Variants in CCDC175 observed in about 807,000 individuals in gnomAD.
CCDC175 encodes coiled-coil domain-containing protein 175.
A neutral mutation model predicts 114.6 loss-of-function variants in CCDC175; 100 were observed. The ratio of observed to expected loss-of-function variants is 0.87; its 90% CI spans 0.74 to 1.03. The LOEUF (loss-of-function observed/expected upper bound fraction) is 1.03. CCDC175 is among the 50% of genes least tolerant of loss of function. CCDC175 has a pLI of 0.00. For missense variants in CCDC175, 880 were observed against 917.8 expected (o/e 0.96, Z 0.53); for synonymous variants, 306 against 308.7 (o/e 0.99, Z 0.09).
chr14:59,545,779 G>A (rs1284966988), intron 8 of CCDC175, among the ~76,000 whole-genome samples: 4 of 152,092 alleles, frequency 2.6e-5, no homozygotes, highest in Non-Finnish European at 4.4e-5. Flanking sequence ...TGCTTCAAAC[G>A]AGGTAAGAAA....
At chr14:59,508,585 A>G (rs1041353798) in intron 19 of CCDC175, among the ~76,000 whole-genome samples, 4 of 147,202 alleles carry the variant, frequency 2.7e-5, no homozygotes, top group African/African-American at 1.0e-4. Flanking sequence ...AAAAAAAAAA[A>G]GAGAGAAAAG....
At chr14:59,538,621 AAG>A in intron 12 of CCDC175, 82 bp downstream of exon 12, 1 of 1,122,930 alleles carries the variant, frequency 8.9e-7, no homozygotes, top group Non-Finnish European at 1.2e-6. Flanking sequence ...ACTTTTTAAT[AAG>A]ATAGGATTTA....
chr14:59,545,379 G>T, intron 8 of CCDC175, 80 bp from the exon 9 acceptor site: 2 of 1,307,090 alleles, frequency 1.5e-6, no homozygotes, highest in Non-Finnish European at 2.1e-6. Flanking sequence ...TGGCAACTCG[G>T]AGAGCACCTG....
In CCDC175 at chr14:59,576,710, G is replaced by T. The variant is rs546409403; in HGVS notation, c.66C>A (p.Val22=). The part of the protein sequence containing the change: ...AGEKLVQAAA[V]STGPSLELCT... ...ATAACTCCAGGGAGGGGCCAGTGGA[G>T]ACGGCAGCCGCCTGCACCAGCTTCT... The change falls in exon 1 of 20, where the codon GTC becomes GTA. Residue 22 remains valine, a synonymous_variant. Coordinates refer to ENST00000537690, the MANE Select transcript of CCDC175 (RefSeq NM_001164399.2). 1 of 1,479,954 alleles carries T rather than the reference G, an allele frequency of 6.8e-7. No homozygotes were observed. The highest frequency in any genetic ancestry group is 2.5e-5 in the Admixed American group (1 of 40,538). The allele number at this position is 1,479,954 out of a possible 1,614,324, so 91.7% of individuals were successfully genotyped here.
intron 16 of CCDC175, among the ~76,000 whole-genome samples, chr14:59,522,007 C>T (rs1006749317): frequency 6.6e-6 from 1 of 152,206 alleles, no homozygotes; most frequent in Non-Finnish European, 1.5e-5. Context: ...AATGTGTGTA[C>T]AGTAGATGTC....
chr14:59,537,154 C>T (rs1894450541), intron 13 of CCDC175, among the ~76,000 whole-genome samples: 1 of 152,132 alleles, frequency 6.6e-6, no homozygotes. Flanking sequence ...GTTTGCTCCT[C>T]TTTTCAGTAG....
intron 13 of CCDC175, among the ~76,000 whole-genome samples, chr14:59,536,546 C>T (rs755726159): frequency 1.4e-4 from 21 of 151,586 alleles, no homozygotes; most frequent in Middle Eastern, 3.2e-3. Context: ...TAATGCTTTC[C>T]ACCCCGCCTC....
At chr14:59,521,041 A>G (rs1893400949) in intron 17 of CCDC175, among the ~76,000 whole-genome samples, 1 of 152,240 alleles carries the variant, frequency 6.6e-6, no homozygotes, top group African/African-American at 2.4e-5. Context: ...GTAATGGTTA[A>G]TATTGTCAAC....
intron 9 of CCDC175, 141 bp downstream of exon 9, chr14:59,545,022 A>G: frequency 3.6e-6 from 3 of 831,518 alleles, no homozygotes; most frequent in Non-Finnish European, 5.4e-6. Context: ...GACAGAAACC[A>G]GTAATGATAG....
intron 6 of CCDC175, among the ~76,000 whole-genome samples, chr14:59,561,432 A>C (rs561516823): frequency 6.6e-6 from 1 of 152,300 alleles, no homozygotes; most frequent in Admixed American, 6.5e-5. Flanking sequence ...GAAAAAAACA[A>C]AATTTAGAGG....
intron 16 of CCDC175, 117 bp from the exon 17 acceptor site, chr14:59,521,793 T>C: frequency 4.9e-6 from 3 of 617,818 alleles, no homozygotes; most frequent in Non-Finnish European, 8.5e-6. Context: ...CTATTCTAGG[T>C]ACAGGGGTAA....
chr14:59,536,067 C>G (rs1181630827), intron 13 of CCDC175, among the ~76,000 whole-genome samples: 1 of 152,200 alleles, frequency 6.6e-6, no homozygotes, highest in African/African-American at 2.4e-5. Flanking sequence ...TTTCCCTGCC[C>G]AATCTTGTCA....
At chr14:59,572,133 C>A (rs1896880794) in intron 3 of CCDC175, among the ~76,000 whole-genome samples, 1 of 152,072 alleles carries the variant, frequency 6.6e-6, no homozygotes, top group African/African-American at 2.4e-5. Flanking sequence ...CATTTGGATA[C>A]CATGTTCATA....
At chr14:59,560,449 T>G (rs1384576013) in intron 7 of CCDC175, among the ~76,000 whole-genome samples, 2 of 152,208 alleles carry the variant, frequency 1.3e-5, no homozygotes, top group Admixed American at 6.5e-5. Context: ...CATTCTGATA[T>G]GAAATCTGGG....
intron 8 of CCDC175, 128 bp from the exon 9 acceptor site, chr14:59,545,427 C>T: frequency 4.4e-6 from 3 of 687,870 alleles, no homozygotes; most frequent in Non-Finnish European, 4.7e-6. Flanking sequence ...GCCATAAATG[C>T]CGAGTGATTT....
rs1462152261 is a variant in CCDC175 at position 59,576,713 on chromosome 14, G to C, written c.63C>G (p.Ala21=). 4 of 1,479,432 alleles carry C rather than the reference G, an allele frequency of 2.7e-6. No individual in the cohort carries two copies. The South Asian group carries it at 5.2e-5, about 19-fold the overall frequency. 91.6% of individuals were successfully genotyped at this position (1,479,432 alleles called of 1,614,324 possible). ...ACTCCAGGGAGGGGCCAGTGGAGAC[G>C]GCAGCCGCCTGCACCAGCTTCTCGC... ...GAGEKLVQAA[A]VSTGPSLELC... is the part of the protein sequence containing the mutation. Residue 21 remains alanine, a synonymous_variant, in exon 1 of 20, where the codon GCC becomes GCG. Coordinates refer to ENST00000537690, the MANE Select transcript of CCDC175 (RefSeq NM_001164399.2).
intron 10 of CCDC175, among the ~76,000 whole-genome samples, 178 bp from the exon 11 acceptor site, chr14:59,540,924 T>C (rs1449538461): frequency 6.6e-6 from 1 of 152,192 alleles, no homozygotes; most frequent in East Asian, 1.9e-4. Flanking sequence ...AATTCTATGT[T>C]AGTGCAAACT....
At chr14:59,574,467 C>A (rs1255085190) in intron 2 of CCDC175, among the ~76,000 whole-genome samples, 2 of 152,210 alleles carry the variant, frequency 1.3e-5, no homozygotes, top group African/African-American at 4.8e-5. Context: ...TTTGTTTTCA[C>A]TAACAGTACC....
intron 8 of CCDC175, among the ~76,000 whole-genome samples, chr14:59,546,479 A>G (rs181497401): frequency 1.3e-5 from 2 of 152,338 alleles, no homozygotes; most frequent in African/African-American, 4.8e-5. Flanking sequence ...AAAATAAAAA[A>G]TAAAGGATAA....
Sources: allele counts gnomAD v4.1 joint callset (sites outside exome capture counted in the v4.1 genomes callset), GRCh38; gene constraint gnomAD v4.1.1; transcripts MANE v1.5; gene names NCBI Gene and HGNC (gene_info 2026-07-23, HGNC 2026-07-21).